The following BNC2 variants were observed in gnomAD, a reference collection of about 807,000 sequenced individuals.
The protein encoded by BNC2 is zinc finger protein basonuclin-2.
In BNC2, 20 loss-of-function variants were observed where a neutral mutation model predicts 76.3. The ratio of observed to expected loss-of-function variants is 0.26; its 90% CI spans 0.18 to 0.38. The LOEUF is 0.38. Among genes scored for constraint, BNC2 ranks in the 10% least tolerant of loss-of-function variants. The pLI is 1.00. For synonymous variants in BNC2, 582 were observed against 514.8 expected (o/e 1.13, Z -1.77); for missense variants, 1,382 against 1,399.8 (o/e 0.99, Z 0.20).
At chr9:16,585,228 T>A (rs1490120306) in intron 3 of BNC2, among the ~76,000 whole-genome samples, 1 of 152,028 alleles carries the variant, frequency 6.6e-6, no homozygotes, top group African/African-American at 2.4e-5. Context: ...TGTGTATTTA[T>A]TTTTTTTACT....
chr9:16,509,358 GCTGTTGTCTA>G (rs1822702236), intron 5 of BNC2, among the ~76,000 whole-genome samples: 1 of 152,154 alleles, frequency 6.6e-6, no homozygotes, highest in South Asian at 2.1e-4. Context: ...ATGCAAGGCA[GCTGTTGTCTA>G]CAGTCCTCGA....
chr9:16,604,751 C>T (rs769922366), intron 3 of BNC2, among the ~76,000 whole-genome samples: 1 of 151,874 alleles, frequency 6.6e-6, no homozygotes, highest in Admixed American at 6.6e-5. Context: ...TGCAGTGAGC[C>T]GAGATCGCGT....
chr9:16,449,985 C>T (rs888106704), intron 5 of BNC2, among the ~76,000 whole-genome samples: 1 of 152,086 alleles, frequency 6.6e-6, no homozygotes, highest in Non-Finnish European at 1.5e-5. Context: ...AGGTATAAGC[C>T]ACACTCTTCA....
In BNC2 at chr9:16,409,979, T is replaced by A. The variant is rs545444031; in HGVS notation, c.*9010A>T. On this transcript the variant is annotated 3_prime_UTR_variant, in exon 7 of 7. Coordinates refer to ENST00000380672, the MANE Select transcript of BNC2 (RefSeq NM_017637.6). ...GGGAGAGGGAGAGGACATATCTTAG[T>A]GAAAATTCCTTTTCTTCAAGATATT... is the stretch of plus-strand genomic sequence containing the variant. 112 of 152,412 alleles carry A rather than the reference T, an allele frequency of 7.3e-4. No individual in the cohort carries two copies. The highest frequency in any genetic ancestry group is 2.6e-3 in the African/African-American group (110 of 41,586). 9.4% of individuals were successfully genotyped at this position (152,412 alleles called of 1,614,324 possible).
chr9:16,597,649 G>T (rs1325647449), intron 3 of BNC2, among the ~76,000 whole-genome samples: 1 of 152,042 alleles, frequency 6.6e-6, no homozygotes, highest in African/African-American at 2.4e-5. Flanking sequence ...CTTTAACTCT[G>T]TATGTGGACA....
In BNC2 at chr9:16,437,540, A is replaced by C; in HGVS notation, c.670-16T>G. 6.2e-7 allele frequency: 1 copy of C among 1,609,016 alleles called. No individual in the cohort carries two copies. Among genetic ancestry groups the C allele is most frequent in the South Asian group, 1.1e-5 (1 of 91,048 alleles). On this transcript the variant is annotated splice_polypyrimidine_tract_variant and intron_variant, in intron 5 of 6. Transcript: ENST00000380672. ...CAGCAGCATCCTAGAGGCCACATCA[A>C]AGAAACAACAAAGACAAACACAAAA... is the stretch of plus-strand genomic sequence containing the variant.
At chr9:16,802,621 C>G (rs1048890588) in intron 1 of BNC2, among the ~76,000 whole-genome samples, 11 of 152,200 alleles carry the variant, frequency 7.2e-5, no homozygotes, top group African/African-American at 2.7e-4. Flanking sequence ...CTTCACATTA[C>G]TCATCTCTCC....
intron 3 of BNC2, among the ~76,000 whole-genome samples, chr9:16,659,772 C>T (rs577007893): frequency 1.5e-4 from 23 of 152,188 alleles, no homozygotes; most frequent in Non-Finnish European, 2.6e-4. Context: ...TTTTCTTGGC[C>T]ACACGATGTA....
intron 1 of BNC2, among the ~76,000 whole-genome samples, chr9:16,825,656 C>A (rs1023810241): frequency 6.6e-6 from 1 of 152,112 alleles, no homozygotes; most frequent in Non-Finnish European, 1.5e-5. Context: ...CAAGCAAAAT[C>A]TTTTTCTCCT....
Position 16,441,693 on chromosome 9 carries a change from T to C in BNC2, c.670-4169A>G, listed in dbSNP as rs7042132. On this transcript the variant is annotated intron_variant, in intron 5 of 6. Coordinates refer to ENST00000380672, the MANE Select transcript of BNC2 (RefSeq NM_017637.6). ...TTTTTTAACTCATCTGGAACAAAAGTAACCATTTGGAAAATTTGGGACAAG... is the reference window on the plus strand; with the variant it reads ...TTTTTTAACTCATCTGGAACAAAAGCAACCATTTGGAAAATTTGGGACAAG... 4.2e-3 allele frequency among the ~76,000 whole-genome samples: 642 copies of C among 152,292 alleles called. 1 individual carries two copies. The highest frequency in any genetic ancestry group is 0.02 in the Middle Eastern group (6 of 294).
rs186375521 is a variant in BNC2, at chr9:16,811,417, T to C, written c.3+59229A>G. On this transcript the variant is annotated intron_variant, in intron 1 of 6. Transcript: ENST00000380672. ...AATACCAAAAATTGGCCAGGCATAG[T>C]GGCGGGCACCTGTAATGCCAGCTAC... is the stretch of plus-strand genomic sequence containing the variant. Among the ~76,000 whole-genome samples the C allele has an allele frequency of 3.1e-3, 475 of 150,960 alleles. 1 individual carries two copies. Among genetic ancestry groups the C allele is most frequent in the Non-Finnish European group, 5.1e-3 (347 of 67,678 alleles).
chr9:16,484,489 A>T (rs898486662), intron 5 of BNC2, among the ~76,000 whole-genome samples: 4 of 152,214 alleles, frequency 2.6e-5, no homozygotes, highest in African/African-American at 7.2e-5. Flanking sequence ...CAGAGTTGTA[A>T]AACTAAAATA....
chr9:16,853,673 C>A (rs1447990667), intron 1 of BNC2, among the ~76,000 whole-genome samples: 2 of 152,080 alleles, frequency 1.3e-5, no homozygotes, highest in African/African-American at 4.8e-5. Flanking sequence ...TCAAGACCAG[C>A]CTGGCCAACA....
intron 5 of BNC2, among the ~76,000 whole-genome samples, chr9:16,538,650 G>T (rs1489666751): frequency 2.6e-5 from 4 of 152,176 alleles, no homozygotes; most frequent in Non-Finnish European, 5.9e-5. Flanking sequence ...TAAATAAGTG[G>T]GTTTTCCATA....
intron 3 of BNC2, among the ~76,000 whole-genome samples, chr9:16,674,821 A>T (rs1391359351): frequency 6.6e-6 from 1 of 152,140 alleles, no homozygotes; most frequent in African/African-American, 2.4e-5. Flanking sequence ...GAAGCTCTCC[A>T]CTGGCACTCA....
intron 1 of BNC2, among the ~76,000 whole-genome samples, chr9:16,823,524 G>A (rs1818387500): frequency 1.3e-5 from 2 of 151,562 alleles, no homozygotes; most frequent in South Asian, 4.2e-4. Context: ...GATCGCTTGA[G>A]CCTGGGAGGC....
chr9:16,551,438 G>C (rs753343856), intron 5 of BNC2, among the ~76,000 whole-genome samples: 5 of 152,238 alleles, frequency 3.3e-5, no homozygotes, highest in Admixed American at 3.3e-4. Flanking sequence ...CACATGCCAA[G>C]CTGGCAGCTA....
chr9:16,444,834 T>G (rs1813195659), intron 5 of BNC2, among the ~76,000 whole-genome samples: 1 of 152,224 alleles, frequency 6.6e-6, no homozygotes, highest in African/African-American at 2.4e-5. Context: ...CCATATGTAA[T>G]AAGCAGATAT....
intron 5 of BNC2, among the ~76,000 whole-genome samples, chr9:16,513,299 CTTTTTTTTTTT>C (rs1202222924): frequency 3.5e-5 from 3 of 85,558 alleles, no homozygotes; most frequent in Non-Finnish European, 6.7e-5. Context: ...AGAAAAGGTT[CTTTTTTTTTTT>C]TTTTTTTTTT....
Sources: gnomAD v4.1 joint callset for allele counts (sites outside exome capture counted in the v4.1 genomes callset) on GRCh38, gnomAD v4.1.1 for gene constraint, MANE v1.5 for transcripts, NCBI Gene and HGNC (gene_info 2026-07-23, HGNC 2026-07-21) for gene names.